The following CDR2 variants were observed in gnomAD, a reference collection of about 807,000 sequenced individuals.
CDR2 encodes cerebellar degeneration-related protein 2.
Under a neutral mutation model 48.4 loss-of-function variants are expected in CDR2, and 34 were observed. That is an observed-to-expected ratio of 0.70 (90% CI 0.53 to 0.94). The LOEUF is 0.94. CDR2 is among the 40% of genes least tolerant of loss of function. CDR2 has a pLI of 0.00. For synonymous variants in CDR2, 240 were observed against 219.7 expected (o/e 1.09, Z -0.82); for missense variants, 498 against 549.5 (o/e 0.91, Z 0.94).
chr16:22,363,767 T>C (rs1373298038), intron 2 of CDR2, among the ~76,000 whole-genome samples: 4 of 152,180 alleles, frequency 2.6e-5, no homozygotes, highest in Admixed American at 2.6e-4. Flanking sequence ...AAAGGTGTTC[T>C]GATGGGACAC....
chr16:22,365,402 A>G (rs1014974466), intron 1 of CDR2, among the ~76,000 whole-genome samples: 3 of 152,198 alleles, frequency 2.0e-5, no homozygotes, highest in African/African-American at 7.2e-5. Context: ...AAAAATCTTT[A>G]AAGTTCCCAT....
chr16:22,360,654 G>A (rs2049004562), intron 2 of CDR2, among the ~76,000 whole-genome samples: 1 of 147,634 alleles, frequency 6.8e-6, no homozygotes, highest in South Asian at 2.1e-4. Context: ...CTTCTGGACT[G>A]TCTCATTTTA....
At chr16:22,369,202 TTG>T (rs2049060820) in intron 1 of CDR2, among the ~76,000 whole-genome samples, 1 of 151,726 alleles carries the variant, frequency 6.6e-6, no homozygotes, top group African/African-American at 2.4e-5. Flanking sequence ...TCTCAGCACT[TTG>T]GGACGCCAAG....
rs1470621056 is a variant in CDR2 at position 22,352,026 on chromosome 16, T to A, written c.193-2177A>T. Among the ~76,000 whole-genome samples, 3 of 152,308 alleles carry A rather than the reference T, an allele frequency of 2.0e-5. No homozygotes were observed. In the East Asian group the frequency reaches 5.8e-4, roughly 29 times the overall value. ...ACTTTGGGAGGCCAAAACAGGCAGA[T>A]TGCTTAAGGCAGGCCAGGAGTTCAA... On this transcript the variant is annotated intron_variant, in intron 2 of 4. Coordinates refer to ENST00000268383, the MANE Select transcript of CDR2 (RefSeq NM_001802.2).
At chr16:22,368,868 T>C (rs1328789705) in intron 1 of CDR2, 3 of 152,230 alleles carry the variant, frequency 2.0e-5, no homozygotes, top group Non-Finnish European at 4.4e-5. Flanking sequence ...CCTGCTCTGC[T>C]AGTGAAAGCA....
chr16:22,369,885 C>T (rs2049065305), intron 1 of CDR2, among the ~76,000 whole-genome samples: 1 of 152,174 alleles, frequency 6.6e-6, no homozygotes, highest in Non-Finnish European at 1.5e-5. Context: ...CCTTATACAC[C>T]TGTTCATCTC....
At chr16:22,348,524 T>C (rs1038944481) in intron 4 of CDR2, among the ~76,000 whole-genome samples, 1 of 152,202 alleles carries the variant, frequency 6.6e-6, no homozygotes, top group Non-Finnish European at 1.5e-5. Flanking sequence ...GTAACTACGA[T>C]TGAATCACTA....
At position 22,374,513 on chromosome 16, in the gene CDR2, C is replaced by T. The variant is rs2049105531; in HGVS notation, c.-204G>A. Reference sequence around the variant, plus strand: ...GCTGCCTCGACTCGCCTCGCGCCTACCGACGGCCCCAACGGCCGGGCATTA... The same window carrying T: ...GCTGCCTCGACTCGCCTCGCGCCTATCGACGGCCCCAACGGCCGGGCATTA... On this transcript the variant is annotated 5_prime_UTR_variant, in exon 1 of 5. Transcript: ENST00000268383. The T allele has an allele frequency of 4.4e-6, 1 of 226,380 alleles. No homozygotes were observed. The highest frequency in any genetic ancestry group is 2.3e-5 in the African/African-American group (1 of 43,306). 14.0% of individuals were successfully genotyped at this position (226,380 alleles called of 1,614,324 possible).
intron 1 of CDR2, among the ~76,000 whole-genome samples, chr16:22,369,198 C>G (rs991552625): frequency 6.6e-6 from 1 of 151,450 alleles, no homozygotes; most frequent in Non-Finnish European, 1.5e-5. Context: ...GTAATCTCAG[C>G]ACTTTGGGAC....
intron 1 of CDR2, among the ~76,000 whole-genome samples, chr16:22,371,757 T>G (rs1355894193): frequency 6.6e-6 from 1 of 152,224 alleles, no homozygotes; most frequent in Non-Finnish European, 1.5e-5. Context: ...TAGTTGGTTA[T>G]GACACAGAGG....
intron 2 of CDR2, among the ~76,000 whole-genome samples, chr16:22,356,953 GAAAAAA>G (rs1162529433): frequency 1.1e-5 from 1 of 87,518 alleles, no homozygotes; most frequent in African/African-American, 4.2e-5. Flanking sequence ...AAAAAAAAAA[GAAAAAA>G]AAAAAAAAAA....
intron 1 of CDR2, chr16:22,369,094 G>A (rs1051290211): frequency 2.0e-5 from 3 of 152,096 alleles, no homozygotes; most frequent in Non-Finnish European, 2.9e-5. Context: ...GTGTGAAGTG[G>A]TAATTCCTCA....
rs529904009 is a variant in CDR2 at position 22,347,046 on chromosome 16, C to T, written c.1284G>A (p.Glu428=). 4.8e-5 allele frequency: 78 copies of T among 1,614,218 alleles called. No individual in the cohort carries two copies. The highest frequency in any genetic ancestry group is 6.3e-5 in the Non-Finnish European group (74 of 1,180,014). ...TPPEYKALFK[E]IFSCIKKTKQ... ...TAGTTTTCTTGATGCAACTAAAGAT[C>T]TCCTTAAACAACGCTTTGTATTCTG... is the stretch of plus-strand genomic sequence containing the variant. Residue 428 remains glutamate, a synonymous_variant, in exon 5 of 5, where the codon GAG becomes GAA. Coordinates refer to ENST00000268383, the MANE Select transcript of CDR2 (RefSeq NM_001802.2).
chr16:22,359,630 C>T lies in CDR2; in HGVS notation c.192+5272G>A, dbSNP rs117285726. The stretch of plus-strand genomic sequence containing the variant: ...TGTAAGCATTATCACCATTCCATAA[C>T]GGAGCAAAGAGAATCTGAGGGGTAA... On this transcript the variant is annotated intron_variant, in intron 2 of 4. Transcript: ENST00000268383. Among the ~76,000 whole-genome samples the T allele has an allele frequency of 7.7e-3, 1,172 of 152,236 alleles. 5 individuals are homozygous for T. Among genetic ancestry groups the T allele is most frequent in the Non-Finnish European group, 0.013 (887 of 68,032 alleles).
At chr16:22,354,614 G>C (rs897203126) in intron 2 of CDR2, among the ~76,000 whole-genome samples, 7 of 152,070 alleles carry the variant, frequency 4.6e-5, no homozygotes, top group African/African-American at 1.7e-4. Flanking sequence ...TGGACCAGGT[G>C]TGGTGGCTCA....
intron 2 of CDR2, among the ~76,000 whole-genome samples, chr16:22,358,522 T>C (rs2048991088): frequency 6.6e-6 from 1 of 152,034 alleles, no homozygotes; most frequent in East Asian, 1.9e-4. Context: ...TAAATACCTA[T>C]TTGCAATTGT....
chr16:22,351,847 A>C (rs2048944384), intron 2 of CDR2, among the ~76,000 whole-genome samples: 1 of 152,204 alleles, frequency 6.6e-6, no homozygotes, highest in African/African-American at 2.4e-5. Context: ...TATATATTCC[A>C]AAGGAAAAAG....
chr16:22,356,218 C>T (rs548414839), intron 2 of CDR2, among the ~76,000 whole-genome samples: 1 of 152,228 alleles, frequency 6.6e-6, no homozygotes, highest in East Asian at 1.9e-4. Flanking sequence ...GAGGATTATC[C>T]TAGATCTCAT....
At chr16:22,364,112 G>A (rs1031572362) in intron 2 of CDR2, among the ~76,000 whole-genome samples, 3 of 151,772 alleles carry the variant, frequency 2.0e-5, no homozygotes, top group African/African-American at 7.3e-5. Context: ...CCTAATTTTT[G>A]TATTTTTTTT....
Sources: gnomAD v4.1 joint callset for allele counts (sites outside exome capture counted in the v4.1 genomes callset) on GRCh38, gnomAD v4.1.1 for gene constraint, MANE v1.5 for transcripts, NCBI Gene and HGNC (gene_info 2026-07-23, HGNC 2026-07-21) for gene names.